Variants in RBFOX1 observed in about 807,000 individuals in gnomAD.
RBFOX1 encodes the protein RNA binding fox-1 homolog 1.
A neutral mutation model predicts 57.7 loss-of-function variants in RBFOX1; 8 were observed. The ratio of observed to expected loss-of-function variants is 0.14; its 90% CI spans 0.08 to 0.25. The LOEUF (loss-of-function observed/expected upper bound fraction) is 0.25, where lower values mean the gene tolerates loss of function less well. Among genes scored for constraint, RBFOX1 ranks in the 10% least tolerant of loss-of-function variants. The pLI is 1.00. For synonymous variants in RBFOX1, 326 were observed against 222.4 expected (o/e 1.47, Z -4.15); for missense variants, 611 against 548.5 (o/e 1.11, Z -1.14).
intron 10 of RBFOX1, among the ~76,000 whole-genome samples, chr16:7,609,605 C>T (rs1344972451): frequency 1.3e-5 from 2 of 152,048 alleles, no homozygotes; most frequent in East Asian, 1.9e-4. Flanking sequence ...TTTCTATGGG[C>T]CAGCACTGTT....
chr16:7,643,214 T>G (rs1282149952), intron 11 of RBFOX1, among the ~76,000 whole-genome samples: 5 of 152,220 alleles, frequency 3.3e-5, no homozygotes, highest in Non-Finnish European at 7.3e-5. Flanking sequence ...TGTGTGTGTC[T>G]TTTGCTGTTG....
At chr16:5,852,092 C>T (rs1299087269) in intron 3 of RBFOX1, among the ~76,000 whole-genome samples, 1 of 152,192 alleles carries the variant, frequency 6.6e-6, no homozygotes, top group Non-Finnish European at 1.5e-5. Flanking sequence ...TGAGAACAGC[C>T]TGCAGAGTGA....
chr16:7,104,014 A>T (rs1029504968), intron 4 of RBFOX1, among the ~76,000 whole-genome samples: 2 of 152,204 alleles, frequency 1.3e-5, no homozygotes, highest in Non-Finnish European at 2.9e-5. Flanking sequence ...AATAGAATTT[A>T]AATTTTGTTT....
At chr16:6,527,193 A>G (rs895524291) in intron 2 of RBFOX1, among the ~76,000 whole-genome samples, 14 of 152,320 alleles carry the variant, frequency 9.2e-5, no homozygotes, top group South Asian at 4.1e-4. Context: ...TAAGTCTCCT[A>G]TCTACCTATG....
At chr16:7,101,200 GC>G (rs1944373326) in intron 4 of RBFOX1, among the ~76,000 whole-genome samples, 1 of 152,134 alleles carries the variant, frequency 6.6e-6, no homozygotes, top group South Asian at 2.1e-4. Flanking sequence ...GCCTATGCAG[GC>G]CCCATTTTTG....
intron 2 of RBFOX1, among the ~76,000 whole-genome samples, chr16:5,531,822 G>C (rs1489866172): frequency 1.5e-5 from 2 of 136,614 alleles, no homozygotes; most frequent in Non-Finnish European, 3.1e-5. Flanking sequence ...TTTTTTTTGA[G>C]ATGGAGTCTC....
intron 4 of RBFOX1, among the ~76,000 whole-genome samples, chr16:7,434,782 C>T (rs1211672214): frequency 6.6e-6 from 1 of 151,550 alleles, no homozygotes; most frequent in African/African-American, 2.4e-5. Context: ...CTGGATCAGC[C>T]AGGCTGGAGT....
At chr16:7,449,368 G>C (rs955734668) in intron 4 of RBFOX1, among the ~76,000 whole-genome samples, 1 of 152,190 alleles carries the variant, frequency 6.6e-6, no homozygotes, top group Non-Finnish European at 1.5e-5. Context: ...AAAGTAGTCA[G>C]TGGGGGAGAA....
chr16:7,701,554 G>T (rs974963432), intron 14 of RBFOX1, among the ~76,000 whole-genome samples: 2 of 152,130 alleles, frequency 1.3e-5, no homozygotes, highest in Non-Finnish European at 2.9e-5. Flanking sequence ...TGGAAAAACT[G>T]TCTTCTACAA....
intron 1 of RBFOX1, among the ~76,000 whole-genome samples, chr16:5,434,863 C>T (rs915957458): frequency 6.6e-6 from 1 of 151,786 alleles, no homozygotes; most frequent in Non-Finnish European, 1.5e-5. Context: ...CCAGTTTTCA[C>T]TGGCTTTACA....
intron 3 of RBFOX1, among the ~76,000 whole-genome samples, chr16:5,829,102 G>A (rs1355251820): frequency 2.0e-5 from 3 of 152,126 alleles, no homozygotes; most frequent in Non-Finnish European, 4.4e-5. Context: ...TCTAGCTCCA[G>A]CTCACACTCA....
rs139070160 is a variant in RBFOX1 at position 6,109,725 on chromosome 16, A to C, written c.-127+89733A>C. ...ATTACTTGACTGGGGATAGTAGAAT[A>C]TTTTATCAGTATTATTAAAATTTAA... On this transcript the variant is annotated intron_variant, in intron 1 of 15. Coordinates refer to ENST00000550418, the MANE Select transcript of RBFOX1 (RefSeq NM_018723.4). 8.3e-4 allele frequency among the ~76,000 whole-genome samples: 126 copies of C among 152,310 alleles called. 1 individual carries two copies. In the East Asian group the frequency reaches 0.022, roughly 27 times the overall value.
intron 3 of RBFOX1, among the ~76,000 whole-genome samples, chr16:6,697,324 C>G (rs1421912038): frequency 6.6e-6 from 1 of 152,054 alleles, no homozygotes; most frequent in Non-Finnish European, 1.5e-5. Context: ...ACTAAGCTTG[C>G]CAGAGGAAGT....
intron 2 of RBFOX1, among the ~76,000 whole-genome samples, chr16:6,409,080 C>A (rs1336335459): frequency 6.6e-6 from 1 of 152,138 alleles, no homozygotes; most frequent in African/African-American, 2.4e-5. Flanking sequence ...AATTCACAGT[C>A]TCTCCCTACA....
At chr16:5,998,769 T>G (rs1028600826) in intron 4 of RBFOX1, among the ~76,000 whole-genome samples, 3 of 152,190 alleles carry the variant, frequency 2.0e-5, no homozygotes, top group Admixed American at 2.0e-4. Flanking sequence ...TTTCGCATAC[T>G]CCTTCTGGTC....
chr16:6,456,345 G>C (rs1456578535), intron 2 of RBFOX1, among the ~76,000 whole-genome samples: 4 of 152,120 alleles, frequency 2.6e-5, no homozygotes, highest in East Asian at 1.9e-4. Context: ...GTCTCACCCT[G>C]TCTTCCAGGC....
intron 3 of RBFOX1, among the ~76,000 whole-genome samples, chr16:6,918,647 C>A (rs1000709184): frequency 6.6e-6 from 1 of 152,124 alleles, no homozygotes; most frequent in Non-Finnish European, 1.5e-5. Context: ...AATGTGGTTG[C>A]TTGTCACTGA....
chr16:5,744,439 C>G (rs892015495), intron 3 of RBFOX1, among the ~76,000 whole-genome samples: 1 of 152,126 alleles, frequency 6.6e-6, no homozygotes, highest in African/African-American at 2.4e-5. Flanking sequence ...TTTCCGCTTC[C>G]AAATAGAAGG....
At chr16:5,578,469 A>G (rs925603910) in intron 2 of RBFOX1, among the ~76,000 whole-genome samples, 1 of 152,228 alleles carries the variant, frequency 6.6e-6, no homozygotes, top group Non-Finnish European at 1.5e-5. Flanking sequence ...CCACCAGGAA[A>G]AACCCCATCC....
Sources: allele counts gnomAD v4.1 joint callset (sites outside exome capture counted in the v4.1 genomes callset), GRCh38; gene constraint gnomAD v4.1.1; transcripts MANE v1.5; gene names NCBI Gene and HGNC (gene_info 2026-07-23, HGNC 2026-07-21).